The following FOXP1 variants were observed in gnomAD, a reference collection of about 807,000 sequenced individuals.
FOXP1 encodes the protein forkhead box P1.
In FOXP1, 15 loss-of-function variants were observed where a neutral mutation model predicts 98.2. The ratio of observed to expected loss-of-function variants is 0.15; its 90% confidence interval spans 0.10 to 0.24. The LOEUF (loss-of-function observed/expected upper bound fraction) is 0.24, where lower values mean the gene tolerates loss of function less well. Ranked by LOEUF, FOXP1 falls within the 10% of genes least tolerant of loss-of-function variation. The pLI is 1.00. For missense variants in FOXP1, 633 were observed against 848.5 expected, an observed-to-expected ratio of 0.75 and a Z score of 3.15; for synonymous variants, 371 against 314.5, an observed-to-expected ratio of 1.18 and a Z score of -1.90.
chr3:71,182,943 CATTAT>C (rs2062417699), intron 6 of FOXP1, among the ~76,000 whole-genome samples: 1 of 151,558 alleles, frequency 6.6e-6, no homozygotes, highest in African/African-American at 2.4e-5. Context: ...GCAATCATTA[CATTAT>C]GATAATTTTT....
chr3:71,363,274 A>C (rs1451714419), intron 3 of FOXP1, among the ~76,000 whole-genome samples: 1 of 152,214 alleles, frequency 6.6e-6, no homozygotes, highest in Non-Finnish European at 1.5e-5. Context: ...CAGATGTTCT[A>C]TCTGCCATCA....
intron 6 of FOXP1, among the ~76,000 whole-genome samples, chr3:71,143,870 C>T (rs1315514696): frequency 6.6e-6 from 1 of 152,052 alleles, no homozygotes; most frequent in East Asian, 1.9e-4. Context: ...ATCTGTTGTC[C>T]CTCCAAGGGA....
intron 5 of FOXP1, among the ~76,000 whole-genome samples, chr3:71,267,093 C>T (rs1397545427): frequency 6.6e-6 from 1 of 150,542 alleles, no homozygotes; most frequent in Non-Finnish European, 1.5e-5. Context: ...CTGTGAGTCA[C>T]ATTATTATCA....
chr3:71,276,858 T>C (rs2070950715), intron 5 of FOXP1, among the ~76,000 whole-genome samples: 1 of 152,008 alleles, frequency 6.6e-6, no homozygotes, highest in Non-Finnish European at 1.5e-5. Flanking sequence ...TTATTCCTCC[T>C]ACCTAGCTAT....
chr3:71,426,744 T>C (rs970060874), intron 3 of FOXP1, among the ~76,000 whole-genome samples: 1 of 152,162 alleles, frequency 6.6e-6, no homozygotes, highest in Admixed American at 6.5e-5. Flanking sequence ...TCTAAAATAG[T>C]TCCCCTTCTT....
intron 7 of FOXP1, among the ~76,000 whole-genome samples, chr3:71,095,535 T>C (rs370955961): frequency 1.1e-4 from 16 of 152,298 alleles, no homozygotes; most frequent in Admixed American, 7.2e-4. Flanking sequence ...GTTTTTTCTT[T>C]CCATATTTTG....
intron 4 of FOXP1, among the ~76,000 whole-genome samples, chr3:71,315,361 G>C (rs1338392923): frequency 6.6e-6 from 1 of 151,992 alleles, no homozygotes; most frequent in Middle Eastern, 3.2e-3. Context: ...GGAAGCGGTA[G>C]GTTCATTTAA....
chr3:71,160,176 T>C (rs1386336519), intron 6 of FOXP1, among the ~76,000 whole-genome samples: 1 of 151,948 alleles, frequency 6.6e-6, no homozygotes, highest in African/African-American at 2.4e-5. Context: ...GACACTGCCG[T>C]GTATGTATTT....
chr3:71,518,034 C>A (rs1345166680), intron 2 of FOXP1, among the ~76,000 whole-genome samples: 1 of 152,136 alleles, frequency 6.6e-6, no homozygotes, highest in African/African-American at 2.4e-5. Flanking sequence ...GAGTAATAAG[C>A]CCTCCCCAGT....
At chr3:71,176,725 C>T (rs2061957293) in intron 6 of FOXP1, among the ~76,000 whole-genome samples, 1 of 113,928 alleles carries the variant, frequency 8.8e-6, no homozygotes, top group Non-Finnish European at 1.6e-5. Context: ...GCCAGGGCAA[C>T]AGAGCAAGAG....
At chr3:71,490,584 A>T (rs1357096636) in intron 3 of FOXP1, among the ~76,000 whole-genome samples, 1 of 152,176 alleles carries the variant, frequency 6.6e-6, no homozygotes, top group Non-Finnish European at 1.5e-5. Flanking sequence ...TCTACTAAAA[A>T]TACTGAGAAG....
At chr3:71,086,206 T>C (rs980019936) in intron 7 of FOXP1, among the ~76,000 whole-genome samples, 1 of 152,170 alleles carries the variant, frequency 6.6e-6, no homozygotes, top group African/African-American at 2.4e-5. Flanking sequence ...ACTGTATTCT[T>C]TGTAGCTGCA....
intron 20 of FOXP1, among the ~76,000 whole-genome samples, chr3:70,963,964 T>G (rs1441575540): frequency 6.6e-6 from 1 of 152,230 alleles, no homozygotes; most frequent in Non-Finnish European, 1.5e-5. Context: ...GCTTGATTTA[T>G]TCCAATAGAC....
intron 6 of FOXP1, among the ~76,000 whole-genome samples, chr3:71,173,041 G>A (rs2061727695): frequency 6.6e-6 from 1 of 152,140 alleles, no homozygotes; most frequent in Admixed American, 6.6e-5. Flanking sequence ...ACTCAGGCTG[G>A]CTGAAACCTC....
Position 71,254,418 on chromosome 3 carries a change from G to A in FOXP1, c.-12+45402C>T, listed in dbSNP as rs1160581696. Among the ~76,000 whole-genome samples, 4 of 152,188 alleles carry A rather than the reference G, an allele frequency of 2.6e-5. No homozygotes were observed. In the South Asian group the frequency reaches 8.3e-4, roughly 32 times the overall value. ...ATGGAGGTATTGTGGACCGGCATTT[G>A]CTAAAAAGTTTTTCCTTATTGGTTG... On this transcript the variant is annotated intron_variant, in intron 5 of 20. Coordinates refer to ENST00000649528, the MANE Select transcript of FOXP1 (RefSeq NM_001349338.3).
chr3:71,014,997 G>C (rs1184526632), intron 12 of FOXP1, among the ~76,000 whole-genome samples: 1 of 152,036 alleles, frequency 6.6e-6, no homozygotes, highest in East Asian at 1.9e-4. Flanking sequence ...GTCGTGGGGT[G>C]GGGGGAGAGG....
At chr3:71,548,447 C>T (rs2045535048) in intron 2 of FOXP1, among the ~76,000 whole-genome samples, 1 of 152,068 alleles carries the variant, frequency 6.6e-6, no homozygotes, top group African/African-American at 2.4e-5. Context: ...GTACCGTCAC[C>T]CAGGCTGGAG....
At position 71,553,118 on chromosome 3, in the gene FOXP1, G is replaced by A. The variant is rs543592206; in HGVS notation, c.-298+28431C>T. 9.9e-5 allele frequency among the ~76,000 whole-genome samples: 15 copies of A among 151,910 alleles called. No homozygotes were observed. In the South Asian group the frequency reaches 1.0e-3, roughly 11 times the overall value. Reference sequence around the variant, plus strand: ...CATAATATTAACTGAGAAAATATTCGTTCCACAGGTACTAGAGTTACCTGT... The same window carrying A: ...CATAATATTAACTGAGAAAATATTCATTCCACAGGTACTAGAGTTACCTGT... On this transcript the variant is annotated intron_variant, in intron 2 of 20. Transcript: ENST00000649528.
chr3:71,057,757 T>G (rs2050883450), intron 7 of FOXP1, among the ~76,000 whole-genome samples: 1 of 152,148 alleles, frequency 6.6e-6, no homozygotes. Flanking sequence ...CATGATACAC[T>G]GTTGACTGAT....
Sources: gnomAD v4.1 joint callset for allele counts (sites outside exome capture counted in the v4.1 genomes callset) on GRCh38, gnomAD v4.1.1 for gene constraint, MANE v1.5 for transcripts, NCBI Gene and HGNC (gene_info 2026-07-23, HGNC 2026-07-21) for gene names.